Variants in CCDC178 observed in about 807,000 individuals in gnomAD.
CCDC178 encodes coiled-coil domain-containing protein 178.
CCDC178 carries 126 observed loss-of-function variants against 117.4 expected under a neutral mutation model. The observed-to-expected ratio is 1.07, with a 90% confidence interval of 0.93 to 1.24. CCDC178 has a LOEUF of 1.24. Among genes scored for constraint, CCDC178 ranks in the 50% most tolerant of loss-of-function variants. CCDC178 has a pLI of 0.00. For synonymous variants in CCDC178, 283 were observed against 313.4 expected (o/e 0.90, Z 1.02); for missense variants, 1,030 against 986.9 (o/e 1.04, Z -0.59).
At chr18:32,976,245 T>A (rs542764143) in intron 21 of CCDC178, among the ~76,000 whole-genome samples, 48 of 152,256 alleles carry the variant, frequency 3.2e-4, no homozygotes, top group African/African-American at 1.1e-3. Context: ...TCTTTAGTAT[T>A]AGCCAAGCCT....
chr18:33,045,344 T>G (rs1042059795), intron 21 of CCDC178, among the ~76,000 whole-genome samples: 1 of 152,112 alleles, frequency 6.6e-6, no homozygotes, highest in African/African-American at 2.4e-5. Context: ...AATAAATAGT[T>G]AGGCCCGAGA....
At chr18:33,083,613 T>C (rs942069691) in intron 21 of CCDC178, among the ~76,000 whole-genome samples, 6 of 152,234 alleles carry the variant, frequency 3.9e-5, no homozygotes, top group African/African-American at 1.4e-4. Context: ...TTTTTTAAAA[T>C]ATTCAACACA....
intron 20 of CCDC178, among the ~76,000 whole-genome samples, chr18:33,175,133 C>G (rs2058650172): frequency 6.6e-6 from 1 of 152,074 alleles, no homozygotes; most frequent in Non-Finnish European, 1.5e-5. Context: ...GCCTCGGCCT[C>G]CCAAAGTGCT....
rs73955115 is a variant in CCDC178, at chr18:33,330,412, A to G, written c.879+2762T>C. Among the ~76,000 whole-genome samples, 1,358 of 152,292 alleles carry G rather than the reference A, an allele frequency of 8.9e-3. 18 individuals carry two copies. Among genetic ancestry groups the G allele is most frequent in the African/African-American group, 0.03 (1,258 of 41,566 alleles). ...TCACAGAGTTTATGGCTCACGCTAC[A>G]GAAGCCAAGAGGTCTAAACTCTCAT... is the stretch of plus-strand genomic sequence containing the variant. On this transcript the variant is annotated intron_variant, in intron 10 of 22. Coordinates refer to ENST00000383096, the MANE Select transcript of CCDC178 (RefSeq NM_001105528.4).
At chr18:33,091,065 AT>A (rs1397730316) in intron 21 of CCDC178, among the ~76,000 whole-genome samples, 12 of 152,168 alleles carry the variant, frequency 7.9e-5, no homozygotes, top group Non-Finnish European at 1.3e-4. Context: ...ATAACTGCAC[AT>A]ATAATTTATT....
intron 20 of CCDC178, among the ~76,000 whole-genome samples, chr18:33,151,839 GGAATAA>G (rs2058344919): frequency 6.6e-6 from 1 of 151,910 alleles, no homozygotes; most frequent in Non-Finnish European, 1.5e-5. Context: ...AACCATGACT[GGAATAA>G]AGAAAACACT....
chr18:33,355,230 C>A (rs1033936393), intron 7 of CCDC178, among the ~76,000 whole-genome samples: 23 of 152,134 alleles, frequency 1.5e-4, no homozygotes, highest in Non-Finnish European at 3.1e-4. Flanking sequence ...ATTGGATTTG[C>A]TTTTTCTGTC....
chr18:33,435,267 C>T (rs1415614291), intron 2 of CCDC178, among the ~76,000 whole-genome samples: 3 of 152,110 alleles, frequency 2.0e-5, no homozygotes, highest in Non-Finnish European at 4.4e-5. Flanking sequence ...ATTAAAAATA[C>T]AGTTCCTTGG....
At chr18:33,237,825 C>T (rs1599037168) in intron 15 of CCDC178, among the ~76,000 whole-genome samples, 1 of 152,122 alleles carries the variant, frequency 6.6e-6, no homozygotes. Flanking sequence ...TGAAGACACA[C>T]CTGAAGGCAG....
intron 22 of CCDC178, among the ~76,000 whole-genome samples, chr18:32,971,659 A>G (rs1416391536): frequency 1.3e-5 from 2 of 152,070 alleles, no homozygotes; most frequent in African/African-American, 4.8e-5. Context: ...AAGCATTCCT[A>G]TTTCTCCACA....
At chr18:33,160,601 T>C (rs2058451100) in intron 20 of CCDC178, among the ~76,000 whole-genome samples, 1 of 152,130 alleles carries the variant, frequency 6.6e-6, no homozygotes, top group African/African-American at 2.4e-5. Context: ...ACTCTGTCCA[T>C]CAAGAAAGCA....
At chr18:33,174,000 T>C (rs1024372644) in intron 20 of CCDC178, among the ~76,000 whole-genome samples, 5 of 152,160 alleles carry the variant, frequency 3.3e-5, no homozygotes, top group African/African-American at 9.7e-5. Flanking sequence ...TATAAAGAAA[T>C]ACCTGAGACT....
intron 10 of CCDC178, among the ~76,000 whole-genome samples, chr18:33,327,188 A>G (rs535620729): frequency 2.6e-4 from 40 of 152,310 alleles, no homozygotes; most frequent in African/African-American, 9.6e-4. Context: ...CATCTTTTAT[A>G]TAAATGAATT....
At chr18:33,045,185 A>C (rs1452345581) in intron 21 of CCDC178, among the ~76,000 whole-genome samples, 1 of 152,200 alleles carries the variant, frequency 6.6e-6, no homozygotes, top group Non-Finnish European at 1.5e-5. Flanking sequence ...AAATTGTAAA[A>C]AGATAAAAAA....
chr18:33,340,383 C>T (rs577462203), intron 9 of CCDC178, among the ~76,000 whole-genome samples: 87 of 152,248 alleles, frequency 5.7e-4, no homozygotes, highest in African/African-American at 2.1e-3. Context: ...AGAAAATTTG[C>T]AGCCTGACGA....
chr18:33,016,490 A>AATGT (rs1752147553), intron 21 of CCDC178, among the ~76,000 whole-genome samples: 5 of 152,182 alleles, frequency 3.3e-5, no homozygotes, highest in African/African-American at 1.2e-4. Context: ...TTGCCATAAA[A>AATGT]ATGTATTTTT....
At chr18:33,272,567 G>A (rs1489742467) in intron 12 of CCDC178, among the ~76,000 whole-genome samples, 1 of 151,542 alleles carries the variant, frequency 6.6e-6, no homozygotes, top group African/African-American at 2.4e-5. Flanking sequence ...GTCTCACTGT[G>A]ATAGCATATC....
chr18:33,168,544 A>G (rs2058560833), intron 20 of CCDC178, among the ~76,000 whole-genome samples: 1 of 152,240 alleles, frequency 6.6e-6, no homozygotes, highest in Non-Finnish European at 1.5e-5. Context: ...TTTATACAAA[A>G]TCAAATAAAA....
intron 21 of CCDC178, among the ~76,000 whole-genome samples, chr18:32,981,244 AT>A (rs1484168941): frequency 2.0e-5 from 3 of 152,198 alleles, no homozygotes; most frequent in South Asian, 2.1e-4. Context: ...AAACAAAAAA[AT>A]CTTACAAATA....
Sources: allele counts gnomAD v4.1 joint callset (sites outside exome capture counted in the v4.1 genomes callset), GRCh38; gene constraint gnomAD v4.1.1; transcripts MANE v1.5; gene names NCBI Gene and HGNC (gene_info 2026-07-23, HGNC 2026-07-21).